Variants in PPFIA2 observed in about 807,000 individuals in gnomAD.
PPFIA2 encodes PPFI scaffold protein A2, also known as liprin-alpha-2.
PPFIA2 carries 46 observed loss-of-function variants against 175.5 expected under a neutral mutation model. The observed-to-expected ratio is 0.26, with a 90% CI of 0.21 to 0.34. The LOEUF (loss-of-function observed/expected upper bound fraction) is 0.34, where lower values mean the gene tolerates loss of function less well. Among genes scored for constraint, PPFIA2 ranks in the 10% least tolerant of loss-of-function variants. The pLI, the probability that PPFIA2 is intolerant of heterozygous loss-of-function variation, is 1.00. For missense variants in PPFIA2, 1,179 were observed against 1,506.1 expected (o/e 0.78, Z 3.60); for synonymous variants, 568 against 511.4 (o/e 1.11, Z -1.49).
intron 15 of PPFIA2, among the ~76,000 whole-genome samples, chr12:81,360,810 A>C (rs2061478394): frequency 6.6e-6 from 1 of 151,562 alleles, no homozygotes; most frequent in Non-Finnish European, 1.5e-5. Context: ...GCTTACCTTA[A>C]TTATTTCTAT....
chr12:81,758,122 G>A (rs1348408627), intron 2 of PPFIA2, among the ~76,000 whole-genome samples: 1 of 152,110 alleles, frequency 6.6e-6, no homozygotes, highest in African/African-American at 2.4e-5. Flanking sequence ...CCACACTACT[G>A]GACAGTTATC....
intron 4 of PPFIA2, among the ~76,000 whole-genome samples, chr12:81,627,106 A>G (rs2062803479): frequency 6.6e-6 from 1 of 152,076 alleles, no homozygotes; most frequent in Non-Finnish European, 1.5e-5. Flanking sequence ...GATGGTTATC[A>G]GAGGCTGACA....
intron 8 of PPFIA2, among the ~76,000 whole-genome samples, chr12:81,401,069 T>G (rs184653367): frequency 1.2e-4 from 19 of 152,298 alleles, no homozygotes; most frequent in Admixed American, 1.2e-3. Context: ...CCTTCTTTAA[T>G]GTCTTCACCA....
intron 5 of PPFIA2, among the ~76,000 whole-genome samples, chr12:81,453,318 T>C (rs538953574): frequency 6.6e-6 from 1 of 151,778 alleles, no homozygotes; most frequent in African/African-American, 2.4e-5. Context: ...ATAAAAATAG[T>C]TGAAACAACT....
chr12:81,551,070 G>T (rs1488983099), intron 4 of PPFIA2, among the ~76,000 whole-genome samples: 4 of 149,976 alleles, frequency 2.7e-5, no homozygotes, highest in Non-Finnish European at 6.0e-5. Context: ...CAACTTTATT[G>T]GCATGACTAG....
At chr12:81,562,622 C>T (rs567088999) in intron 4 of PPFIA2, among the ~76,000 whole-genome samples, 2 of 151,292 alleles carry the variant, frequency 1.3e-5, no homozygotes, top group East Asian at 1.9e-4. Context: ...CCGAGGCGGG[C>T]GGATCACGAG....
chr12:81,534,802 C>T (rs958195163), intron 4 of PPFIA2, among the ~76,000 whole-genome samples: 15 of 151,552 alleles, frequency 9.9e-5, no homozygotes, highest in African/African-American at 3.4e-4. Flanking sequence ...AGGAGGGAAG[C>T]AAGAAGATGA....
intron 14 of PPFIA2, among the ~76,000 whole-genome samples, chr12:81,363,936 A>T (rs1487213402): frequency 6.6e-6 from 1 of 151,930 alleles, no homozygotes; most frequent in East Asian, 1.9e-4. Flanking sequence ...CACCTGAGAT[A>T]CAGTAGTGAG....
In PPFIA2 at chr12:81,525,365, G is replaced by A. The variant is rs148656584; in HGVS notation, c.304-67499C>T. Among the ~76,000 whole-genome samples, 641 of 152,206 alleles carry A rather than the reference G, an allele frequency of 4.2e-3. 5 individuals carry two copies. The highest frequency in any genetic ancestry group is 0.015 in the African/African-American group (609 of 41,510). ...CACTTGCCTTTGGGTTAATCAAAAG[G>A]AATATTATTCTAGATGAGGTTGACT... is the stretch of plus-strand genomic sequence containing the variant. On this transcript the variant is annotated intron_variant, in intron 4 of 32. Coordinates refer to ENST00000549396, the MANE Select transcript of PPFIA2 (RefSeq NM_003625.5).
At chr12:81,400,399 A>C (rs2041919935) in intron 8 of PPFIA2, among the ~76,000 whole-genome samples, 2 of 152,150 alleles carry the variant, frequency 1.3e-5, no homozygotes, top group Admixed American at 1.3e-4. Context: ...TTCCATTTTT[A>C]TCACTTTGGC....
chr12:81,418,812 G>GA (rs1310512515), intron 7 of PPFIA2, among the ~76,000 whole-genome samples: 1 of 151,734 alleles, frequency 6.6e-6, no homozygotes, highest in Non-Finnish European at 1.5e-5. Context: ...TAAGTACAAA[G>GA]AAAAAATTAC....
chr12:81,666,798 A>G (rs951553180), intron 4 of PPFIA2, among the ~76,000 whole-genome samples: 1 of 152,114 alleles, frequency 6.6e-6, no homozygotes, highest in Non-Finnish European at 1.5e-5. Context: ...AGAGGCACAA[A>G]GAAGAAAGTA....
At chr12:81,380,104 G>A (rs2037302009) in intron 9 of PPFIA2, among the ~76,000 whole-genome samples, 1 of 152,090 alleles carries the variant, frequency 6.6e-6, no homozygotes, top group African/African-American at 2.4e-5. Flanking sequence ...CGTGGCTTAT[G>A]CCTATAATTG....
intron 7 of PPFIA2, among the ~76,000 whole-genome samples, chr12:81,427,806 T>C (rs1452249389): frequency 6.6e-6 from 1 of 151,996 alleles, no homozygotes; most frequent in African/African-American, 2.4e-5. Flanking sequence ...GTATATTGTC[T>C]CATCCAAATA....
chr12:81,552,444 T>G (rs2068080983), intron 4 of PPFIA2, among the ~76,000 whole-genome samples: 1 of 151,948 alleles, frequency 6.6e-6, no homozygotes, highest in Admixed American at 6.6e-5. Context: ...TAGATGCAAC[T>G]AAATTGAAAG....
rs11114994 is a variant in PPFIA2, at chr12:81,731,421, G to T, written c.249+22552C>A. 2.0e-5 allele frequency among the ~76,000 whole-genome samples: 3 copies of T among 151,654 alleles called. No homozygotes were observed. In the East Asian group the frequency reaches 5.9e-4, roughly 30 times the overall value. On this transcript the variant is annotated intron_variant, in intron 3 of 32. Coordinates refer to ENST00000549396, the MANE Select transcript of PPFIA2 (RefSeq NM_003625.5). ...GTCTCATTTACTTTTCAAAAATAAA[G>T]ATTTGAGACACAGGGAGGTTCAGTG...
intron 4 of PPFIA2, among the ~76,000 whole-genome samples, chr12:81,606,005 G>T (rs957622900): frequency 1.1e-4 from 16 of 151,794 alleles, no homozygotes; most frequent in African/African-American, 3.6e-4. Flanking sequence ...AGTGTCAATT[G>T]CTCCTATGTT....
At chr12:81,563,593 A>G (rs1183619010) in intron 4 of PPFIA2, among the ~76,000 whole-genome samples, 1 of 152,224 alleles carries the variant, frequency 6.6e-6, no homozygotes, top group African/African-American at 2.4e-5. Context: ...TGACTCAAGA[A>G]CAACCCCTCT....
chr12:81,413,439 CTG>C (rs1177526482), intron 7 of PPFIA2, among the ~76,000 whole-genome samples: 1 of 151,550 alleles, frequency 6.6e-6, no homozygotes, highest in Non-Finnish European at 1.5e-5. Context: ...GTAGAGCTCA[CTG>C]GGGAAATAAA....
Sources: gnomAD v4.1 joint callset for allele counts (sites outside exome capture counted in the v4.1 genomes callset) on GRCh38, gnomAD v4.1.1 for gene constraint, MANE v1.5 for transcripts, NCBI Gene and HGNC (gene_info 2026-07-23, HGNC 2026-07-21) for gene names.